SCHIP1: variants seen among roughly 807,000 people sequenced by gnomAD.
The protein encoded by SCHIP1 is schwannomin interacting protein 1.
SCHIP1 carries 8 observed loss-of-function variants against 29.7 expected under a neutral mutation model. The ratio of observed to expected loss-of-function variants is 0.27; its 90% confidence interval spans 0.16 to 0.49. The LOEUF is 0.49. Ranked by LOEUF, SCHIP1 falls within the 20% of genes least tolerant of loss-of-function variation. The pLI is 0.99. For missense variants in SCHIP1, 193 were observed against 294.6 expected, an observed-to-expected ratio of 0.66 and a Z score of 2.52; for synonymous variants, 76 against 94.9, an observed-to-expected ratio of 0.80 and a Z score of 1.16.
chr3:159,667,845 T>C, the SCHIP1 span, among the ~76,000 whole-genome samples: 1 of 152,212 alleles, frequency 6.6e-6, no homozygotes, highest in Non-Finnish European at 1.5e-5. Context: ...AAACAAGAGT[T>C]CCACCAAACA....
At chr3:159,372,581 C>T in the SCHIP1 span, among the ~76,000 whole-genome samples, 1 of 151,872 alleles carries the variant, frequency 6.6e-6, no homozygotes, top group African/African-American at 2.4e-5. Context: ...AAATCAATTG[C>T]ATTTTGATTT....
the SCHIP1 span, among the ~76,000 whole-genome samples, chr3:159,280,463 G>A: frequency 6.6e-6 from 1 of 152,074 alleles, no homozygotes; most frequent in Non-Finnish European, 1.5e-5. Flanking sequence ...TAAGTTGCAG[G>A]GCCATCGCTC....
the SCHIP1 span, among the ~76,000 whole-genome samples, chr3:159,686,952 C>G: frequency 6.6e-6 from 1 of 152,156 alleles, no homozygotes; most frequent in African/African-American, 2.4e-5. Context: ...TTCTTTCGTT[C>G]TTAGGCATTT....
chr3:159,366,476 G>A, the SCHIP1 span, among the ~76,000 whole-genome samples: 24 of 152,294 alleles, frequency 1.6e-4, no homozygotes, highest in African/African-American at 5.3e-4. Flanking sequence ...CAGCACTTGC[G>A]TCTGTGCCCT....
chr3:159,477,918 A>ATCTTT, the SCHIP1 span, among the ~76,000 whole-genome samples: 1 of 108,060 alleles, frequency 9.3e-6, no homozygotes. Context: ...CTCATTTTAA[A>ATCTTT]TCTTTTTTTT....
At chr3:159,542,417 A>G in the SCHIP1 span, among the ~76,000 whole-genome samples, 1 of 152,100 alleles carries the variant, frequency 6.6e-6, no homozygotes, top group Admixed American at 6.6e-5. Context: ...ATCACTACAT[A>G]TTAACTTGCA....
the SCHIP1 span, among the ~76,000 whole-genome samples, chr3:159,544,217 T>C: frequency 6.6e-6 from 1 of 152,054 alleles, no homozygotes; most frequent in Non-Finnish European, 1.5e-5. Context: ...ATATGAACTA[T>C]TTTAGTCCAC....
the SCHIP1 span, among the ~76,000 whole-genome samples, chr3:159,493,007 C>T: frequency 6.6e-6 from 1 of 152,076 alleles, no homozygotes; most frequent in Non-Finnish European, 1.5e-5. Flanking sequence ...AACTAAGCTT[C>T]ATAAGTGAAG....
upstream of SCHIP1, among the ~76,000 whole-genome samples, chr3:159,836,483 C>T (rs1743669291): frequency 6.6e-6 from 1 of 152,200 alleles, no homozygotes; most frequent in South Asian, 2.1e-4. Flanking sequence ...GCACAACATT[C>T]AGACCATAGG....
At chr3:159,844,677 C>T (rs1269562292) in intron 1 of SCHIP1, among the ~76,000 whole-genome samples, 1 of 152,214 alleles carries the variant, frequency 6.6e-6, no homozygotes, top group Non-Finnish European at 1.5e-5. Context: ...ATATTGTAAA[C>T]TTGAAAGCAC....
At chr3:159,890,051 C>T (rs1287979201) in intron 5 of SCHIP1, among the ~76,000 whole-genome samples, 4 of 150,898 alleles carry the variant, frequency 2.7e-5, no homozygotes, top group Non-Finnish European at 5.9e-5. Context: ...GCCGAGATCT[C>T]GCCACTGCAC....
At chr3:159,275,110 A>G in the SCHIP1 span, 1 of 953,786 alleles carries the variant, frequency 1.0e-6, no homozygotes, top group Non-Finnish European at 1.2e-6. Context: ...TATATAAAGG[A>G]GACCTTAGTA....
the SCHIP1 span, among the ~76,000 whole-genome samples, chr3:159,761,837 G>A: frequency 6.6e-6 from 1 of 152,128 alleles, no homozygotes. Flanking sequence ...CCTGAACATG[G>A]ACCATCTGGG....
chr3:159,736,247 G>A, the SCHIP1 span, among the ~76,000 whole-genome samples: 1 of 152,162 alleles, frequency 6.6e-6, no homozygotes, highest in African/African-American at 2.4e-5. Flanking sequence ...CCTGCTACAG[G>A]GGTTAACTGT....
the SCHIP1 span, among the ~76,000 whole-genome samples, chr3:159,411,123 G>T: frequency 1.9e-4 from 29 of 152,004 alleles, no homozygotes; most frequent in Non-Finnish European, 4.3e-4. Flanking sequence ...GTTACCATAG[G>T]CTTAGAAGGG....
the SCHIP1 span, among the ~76,000 whole-genome samples, chr3:159,365,171 C>T: frequency 1.2e-4 from 19 of 152,262 alleles, no homozygotes; most frequent in African/African-American, 4.1e-4. Flanking sequence ...ACCAGAGAGA[C>T]GGCAGTCTTG....
the SCHIP1 span, among the ~76,000 whole-genome samples, chr3:159,715,482 G>T: frequency 1.3e-5 from 2 of 152,126 alleles, no homozygotes; most frequent in South Asian, 2.1e-4. Flanking sequence ...TGAACCCATC[G>T]CAAAGAAGCT....
chr3:159,793,420 A>G, the SCHIP1 span, among the ~76,000 whole-genome samples: 2 of 152,186 alleles, frequency 1.3e-5, no homozygotes, highest in African/African-American at 4.8e-5. Flanking sequence ...TGTATTAGCT[A>G]TATATTGTCC....
chr3:159,605,078 C>T, the SCHIP1 span, among the ~76,000 whole-genome samples: 4 of 152,174 alleles, frequency 2.6e-5, no homozygotes, highest in African/African-American at 4.8e-5. Context: ...ACCTACAGGG[C>T]TGATCCAAAA....
Sources: allele counts gnomAD v4.1 joint callset (sites outside exome capture counted in the v4.1 genomes callset), GRCh38; gene constraint gnomAD v4.1.1; transcripts MANE v1.5; gene names NCBI Gene and HGNC (gene_info 2026-07-23, HGNC 2026-07-21).